The following STXBP3 variants were observed in gnomAD, a reference collection of about 807,000 sequenced individuals.
STXBP3 encodes syntaxin binding protein 3.
STXBP3 carries 41 observed loss-of-function variants against 85.7 expected under a neutral mutation model. The observed-to-expected ratio is 0.48, with a 90% CI of 0.37 to 0.62. The LOEUF (loss-of-function observed/expected upper bound fraction) is 0.62, where lower values mean the gene tolerates loss of function less well. STXBP3 is among the 20% of genes least tolerant of loss of function. The probability of loss-of-function intolerance (pLI) is 0.00; values close to 1 mark genes in which losing one functional copy is unlikely to be tolerated. For missense variants in STXBP3, 563 were observed against 703.1 expected (o/e 0.80, Z 2.25); for synonymous variants, 229 against 231.7 (o/e 0.99, Z 0.10).
Position 108,782,696 on chromosome 1 carries a change from C to T in STXBP3, c.953C>T (p.Thr318Ile). Reference protein sequence around the residue: ...MKEISSTKKATEGKTSLSALT... With the variant: ...MKEISSTKKAIEGKTSLSALT... ...GAAATTTCATCAACAAAGAAAGCAA[C>T]AGAAGGAAAGGTAAGAGTCTTACTT... Residue 318 changes from threonine to isoleucine, a missense_variant, in exon 11 of 19, where the codon ACA becomes ATA. By Grantham distance (89) the Thr-to-Ile change is moderately conservative (BLOSUM62 -1). Transcript: ENST00000370008. The T allele has an allele frequency of 6.2e-7, 1 of 1,607,754 alleles. No homozygotes were observed. Among genetic ancestry groups the T allele is most frequent in the Non-Finnish European group, 8.5e-7 (1 of 1,178,116 alleles).
chr1:108,770,275 A>G (rs1662356015), intron 6 of STXBP3, among the ~76,000 whole-genome samples: 1 of 152,166 alleles, frequency 6.6e-6, no homozygotes, highest in African/African-American at 2.4e-5. Context: ...AGCCTGGGTG[A>G]CAGAGTGAGT....
chr1:108,767,878 C>A (rs529263507), intron 6 of STXBP3, among the ~76,000 whole-genome samples: 2 of 152,238 alleles, frequency 1.3e-5, no homozygotes, highest in South Asian at 4.1e-4. Context: ...GCCACCACTC[C>A]CAGCCATACT....
intron 6 of STXBP3, among the ~76,000 whole-genome samples, chr1:108,766,280 A>G (rs1005458274): frequency 2.0e-5 from 3 of 152,168 alleles, no homozygotes; most frequent in Admixed American, 6.6e-5. Context: ...AAAAATGTAT[A>G]TATCTAAAGT....
chr1:108,787,964 G>A (rs1376303233), intron 11 of STXBP3, among the ~76,000 whole-genome samples: 2 of 151,640 alleles, frequency 1.3e-5, no homozygotes, highest in Non-Finnish European at 1.5e-5. Context: ...TAATTTTTGT[G>A]TGTTTTTAAT....
At chr1:108,776,031 G>C (rs1267434030) in intron 7 of STXBP3, among the ~76,000 whole-genome samples, 1 of 151,988 alleles carries the variant, frequency 6.6e-6, no homozygotes. Flanking sequence ...TGAGGCAGGG[G>C]TATGGGAGAG....
At chr1:108,763,658 C>T (rs1662196045) in intron 6 of STXBP3, among the ~76,000 whole-genome samples, 1 of 152,140 alleles carries the variant, frequency 6.6e-6, no homozygotes, top group Non-Finnish European at 1.5e-5. Flanking sequence ...TCACTGCAAC[C>T]TCCACTTCCC....
intron 11 of STXBP3, among the ~76,000 whole-genome samples, chr1:108,789,407 G>A (rs1662929707): frequency 6.6e-6 from 1 of 152,050 alleles, no homozygotes; most frequent in Non-Finnish European, 1.5e-5. Context: ...TGTGGCCCAG[G>A]GAAGCCAAAA....
rs1663110031 is a variant in STXBP3, at chr1:108,796,649, A to G, written c.1279A>G (p.Ile427Val). 1.4e-5 allele frequency: 22 copies of G among 1,613,452 alleles called. No homozygotes were observed. The highest frequency in any genetic ancestry group is 1.7e-5 in the Non-Finnish European group (20 of 1,179,794). The change falls in exon 15 of 19, where the codon ATC (isoleucine) becomes GTC (valine). Residue 427 changes from isoleucine to valine, a missense_variant. Ile to Val is a conservative substitution (Grantham distance 29). Around this residue, in one of 3 missense-constraint regions of STXBP3, gnomAD observed 494 missense variants for 592.8 expected, o/e 0.83. Transcript: ENST00000370008. ...GTTEENLDRL[I>V]QNVKIENESD... ...TACGGAAGAAAATTTGGACAGGTTGATCCAGAATGTAAAGATAGAAAATGA... is the reference window on the plus strand; with the variant it reads ...TACGGAAGAAAATTTGGACAGGTTGGTCCAGAATGTAAAGATAGAAAATGA...
chr1:108,803,519 T>G (rs549376781), intron 17 of STXBP3, among the ~76,000 whole-genome samples: 2 of 152,274 alleles, frequency 1.3e-5, no homozygotes, highest in South Asian at 4.1e-4. Context: ...GACAGAGTCT[T>G]GCTCTGTCAT....
intron 1 of STXBP3, among the ~76,000 whole-genome samples, chr1:108,750,691 C>T (rs1570744666): frequency 6.6e-6 from 1 of 152,148 alleles, no homozygotes; most frequent in South Asian, 2.1e-4. Context: ...TAGTGTCAGA[C>T]TCCACAGGTT....
rs1176398615 is a variant in STXBP3, at chr1:108,772,272, C to CTA, written c.439-392_439-391insAT. Among the ~76,000 whole-genome samples, 4 of 74,408 alleles carry CTA rather than the reference C, an allele frequency of 5.4e-5. 2 individuals carry two copies. The highest frequency in any genetic ancestry group is 1.1e-4 in the African/African-American group (2 of 18,840). 48.8% of individuals were successfully genotyped at this position (74,408 alleles called of 152,430 possible). On this transcript the variant is annotated intron_variant, in intron 6 of 18. Transcript: ENST00000370008. Reference sequence around the variant, plus strand: ...ATATATAAATACATATGATATCTATCTGTATCATATATAAATACATATGAT... The same window carrying CTA: ...ATATATAAATACATATGATATCTATCTATGTATCATATATAAATACATATGAT...
At position 108,746,690 on chromosome 1, in the gene STXBP3, T is replaced by C. The variant is rs1661785282; in HGVS notation, c.-48T>C. The stretch of plus-strand genomic sequence containing the variant: ...CCCAACGCCGCTTCTGCGGCCAAAG[T>C]AGGTTGGGAGTGGAAGGTGGTGGCT... On this transcript the variant is annotated 5_prime_UTR_variant, in exon 1 of 19. Coordinates refer to ENST00000370008, the MANE Select transcript of STXBP3 (RefSeq NM_007269.4). The C allele has an allele frequency of 1.3e-6, 2 of 1,545,882 alleles. No individual in the cohort carries two copies. The highest frequency in any genetic ancestry group is 8.7e-7 in the Non-Finnish European group (1 of 1,144,112).
chr1:108,765,778 C>G (rs61797304), intron 6 of STXBP3, among the ~76,000 whole-genome samples: 7,182 of 151,002 alleles, frequency 0.048, 218 homozygotes, highest in Admixed American at 0.069. Flanking sequence ...ACCATGTTGA[C>G]CAGGCTGGTC....
At chr1:108,776,501 C>G in intron 8 of STXBP3, 78 bp downstream of exon 8, 1 of 1,044,404 alleles carries the variant, frequency 9.6e-7, no homozygotes, top group Non-Finnish European at 1.4e-6. Flanking sequence ...CTTGCTCATT[C>G]ATTTTCTAGT....
chr1:108,808,232 G>T (rs570333177), intron 18 of STXBP3, among the ~76,000 whole-genome samples: 1 of 152,258 alleles, frequency 6.6e-6, no homozygotes, highest in Admixed American at 6.5e-5. Context: ...AGAATTTCAG[G>T]CCAGGCTAGT....
chr1:108,771,963 TCA>T (rs1305511826), intron 6 of STXBP3, among the ~76,000 whole-genome samples: 1 of 41,224 alleles, frequency 2.4e-5, no homozygotes, highest in African/African-American at 1.2e-4. Flanking sequence ...GATATCTGTA[TCA>T]TATATAAATA....
chr1:108,753,240 AT>A, intron 3 of STXBP3, 96 bp downstream of exon 3: 2 of 727,054 alleles, frequency 2.8e-6, no homozygotes, highest in Non-Finnish European at 4.2e-6. Context: ...TAAGGAGCTT[AT>A]TTTTTTAAAT....
At chr1:108,761,993 C>T (rs1034681223) in intron 6 of STXBP3, among the ~76,000 whole-genome samples, 2 of 151,924 alleles carry the variant, frequency 1.3e-5, no homozygotes, top group Non-Finnish European at 2.9e-5. Context: ...AGAGGTTCTA[C>T]TTAATAAATC....
rs1215809479 is a variant in STXBP3, at chr1:108,772,152, CAT to C, written c.439-507_439-506del. On this transcript the variant is annotated intron_variant, in intron 6 of 18. Coordinates refer to ENST00000370008, the MANE Select transcript of STXBP3 (RefSeq NM_007269.4). ...ATACATATGATATCTATCTATATAT[CAT>C]ATATAAATACATATGATATCTATCT... Among the ~76,000 whole-genome samples the C allele has an allele frequency of 9.7e-5, 12 of 124,108 alleles. 1 individual carries two copies. Among genetic ancestry groups the C allele is most frequent in the Admixed American group, 3.3e-4 (4 of 12,284 alleles). The allele number at this position is 124,108 out of a possible 152,430, so 81.4% of individuals were successfully genotyped here.
Sources: gnomAD v4.1 joint callset for allele counts (sites outside exome capture counted in the v4.1 genomes callset) on GRCh38, gnomAD v4.1.1 for gene constraint, gnomAD v4.1.1 regional missense constraint, MANE v1.5 for transcripts, NCBI Gene and HGNC (gene_info 2026-07-23, HGNC 2026-07-21) for gene names.